RABGEF1: variants seen among roughly 807,000 people sequenced by gnomAD.
The protein encoded by RABGEF1 is RAB guanine nucleotide exchange factor 1.
A neutral mutation model predicts 57.3 loss-of-function variants in RABGEF1; 26 were observed. The ratio of observed to expected loss-of-function variants is 0.45; its 90% CI spans 0.33 to 0.63. RABGEF1 has a LOEUF of 0.63. Among genes scored for constraint, RABGEF1 ranks in the 20% least tolerant of loss-of-function variants. The pLI, the probability that RABGEF1 is intolerant of heterozygous loss-of-function variation, is 0.02. For synonymous variants in RABGEF1, 185 were observed against 210.7 expected (o/e 0.88, Z 1.06); for missense variants, 464 against 607.6 (o/e 0.76, Z 2.48).
intron 3 of RABGEF1, among the ~76,000 whole-genome samples, chr7:66,782,997 A>G (rs1446702947): frequency 6.6e-6 from 1 of 152,022 alleles, no homozygotes; most frequent in Non-Finnish European, 1.5e-5. Flanking sequence ...TAAATGTCCC[A>G]TTTTCCTTTC....
chr7:66,753,701 G>GTTGTTTT (rs1801981768), intron 1 of RABGEF1, among the ~76,000 whole-genome samples: 1 of 78,764 alleles, frequency 1.3e-5, no homozygotes, highest in Non-Finnish European at 2.3e-5. Context: ...TTTTGCCATC[G>GTTGTTTT]TTTTTTTTTT....
chr7:66,737,700 A>G (rs192365432), upstream of RABGEF1, among the ~76,000 whole-genome samples: 1 of 152,378 alleles, frequency 6.6e-6, no homozygotes, highest in Admixed American at 6.5e-5. Context: ...TCTCAACAAC[A>G]GCAAAATAGC....
intron 2 of RABGEF1, 142 bp from the exon 3 acceptor site, chr7:66,775,085 G>A (rs1808211652): frequency 2.4e-5 from 21 of 865,898 alleles, no homozygotes; most frequent in Non-Finnish European, 2.3e-5. Context: ...CTGTAGCAAT[G>A]TGAGACCTCA....
chr7:66,750,850 T>C (rs1440849318), intron 1 of RABGEF1, among the ~76,000 whole-genome samples: 2 of 152,228 alleles, frequency 1.3e-5, no homozygotes, highest in African/African-American at 2.4e-5. Context: ...AGACGCTTTA[T>C]GTGTATTTGG....
the RABGEF1 span, among the ~76,000 whole-genome samples, chr7:66,661,051 T>C: frequency 6.6e-6 from 1 of 152,080 alleles, no homozygotes; most frequent in Non-Finnish European, 1.5e-5. Context: ...GGCCCATGCC[T>C]GTAACCCCAG....
intron 1 of RABGEF1, among the ~76,000 whole-genome samples, chr7:66,765,301 A>G (rs1198463203): frequency 1.3e-5 from 2 of 152,106 alleles, no homozygotes; most frequent in Non-Finnish European, 1.5e-5. Context: ...CATGGTCCAC[A>G]CCAAATCAGT....
At chr7:66,728,130 C>T (rs78949927) in intron 2 of RABGEF1, among the ~76,000 whole-genome samples, 7,675 of 152,254 alleles carry the variant, frequency 0.05, 266 homozygotes, top group East Asian at 0.085. Context: ...CTCAGGAAGG[C>T]CCTTACAATC....
intron 8 of RABGEF1, among the ~76,000 whole-genome samples, chr7:66,807,455 C>T (rs1049630231): frequency 6.6e-6 from 1 of 152,206 alleles, no homozygotes; most frequent in African/African-American, 2.4e-5. Flanking sequence ...TCTACTTCCA[C>T]CTTGAATTGT....
chr7:66,708,011 T>A (rs1387687110), intron 1 of RABGEF1, among the ~76,000 whole-genome samples: 5 of 152,200 alleles, frequency 3.3e-5, no homozygotes, highest in Non-Finnish European at 5.9e-5. Flanking sequence ...TTTAATCCAT[T>A]CTGCCAATCT....
intron 1 of RABGEF1, among the ~76,000 whole-genome samples, chr7:66,762,043 G>C (rs745753763): frequency 1.3e-5 from 2 of 151,740 alleles, no homozygotes; most frequent in Non-Finnish European, 2.9e-5. Flanking sequence ...AACAGAGCGA[G>C]ACCCTGTCTC....
chr7:66,773,073 C>T (rs1427356915), intron 2 of RABGEF1, among the ~76,000 whole-genome samples: 1 of 137,340 alleles, frequency 7.3e-6, no homozygotes, highest in Non-Finnish European at 1.6e-5. Context: ...ACTCCTCTAG[C>T]TAGTTGTTTG....
chr7:66,798,587 G>T (rs1403492303), intron 6 of RABGEF1, among the ~76,000 whole-genome samples: 1 of 152,142 alleles, frequency 6.6e-6, no homozygotes, highest in East Asian at 1.9e-4. Flanking sequence ...AGTGCAGTTA[G>T]GGTGGGACCA....
In RABGEF1 at chr7:66,783,907, T is replaced by C. The variant is rs1810543760; in HGVS notation, c.513+66T>C. ...TTGAGGAAAGGTCTTAGAGATAATA[T>C]AGTGCAACCTTGTCATTTTATGCCT... On this transcript the variant is annotated intron_variant, in intron 4 of 8. Transcript: ENST00000284957. 5 of 1,376,480 alleles carry C rather than the reference T, an allele frequency of 3.6e-6. No homozygotes were observed. The Admixed American group carries it at 1.1e-4, about 30-fold the overall frequency. The allele number at this position is 1,376,480 out of a possible 1,614,324, so 85.3% of individuals were successfully genotyped here.
chr7:66,785,879 G>A (rs28380422), intron 4 of RABGEF1, among the ~76,000 whole-genome samples: 38,499 of 133,810 alleles, frequency 0.29, 5,035 homozygotes, highest in East Asian at 0.4. Flanking sequence ...ATCTGGGGGG[G>A]AAAAAAAAAA....
intron 1 of RABGEF1, chr7:66,712,051 A>G (rs1477084022): frequency 6.6e-6 from 1 of 152,146 alleles, no homozygotes; most frequent in African/African-American, 2.4e-5. Flanking sequence ...ATTCTTATTC[A>G]AATTTGCTTT....
the RABGEF1 span, among the ~76,000 whole-genome samples, chr7:66,661,124 C>A: frequency 6.6e-6 from 1 of 151,706 alleles, no homozygotes; most frequent in South Asian, 2.1e-4. Context: ...AGTGAAACCC[C>A]GTCTCTACTA....
At chr7:66,769,781 T>C (rs758182028) in intron 1 of RABGEF1, among the ~76,000 whole-genome samples, 2 of 152,228 alleles carry the variant, frequency 1.3e-5, no homozygotes, top group Non-Finnish European at 2.9e-5. Flanking sequence ...CAATCCAGAC[T>C]CTGTAGCTTA....
rs10583686 is a variant in RABGEF1, at chr7:66,683,727, CTTATTTAT to C, written c.-873+1491_-873+1498del. Among the ~76,000 whole-genome samples, 280 of 149,436 alleles carry C rather than the reference CTTATTTAT, an allele frequency of 1.9e-3. 2 individuals carry two copies. Among genetic ancestry groups the C allele is most frequent in the Non-Finnish European group, 2.6e-3 (172 of 67,416 alleles). ...GGAGGCCAGTAACTACAAGGAGGTG[CTTATTTAT>C]TTATTTATTTATTTATTTATTGAGA... On this transcript the variant is annotated intron_variant and NMD_transcript_variant, in intron 1 of 9. Coordinates refer to the RABGEF1 transcript ENST00000607882.
chr7:66,717,523 C>T (rs1305827530), intron 2 of RABGEF1, among the ~76,000 whole-genome samples: 5 of 151,606 alleles, frequency 3.3e-5, no homozygotes, highest in African/African-American at 7.3e-5. Context: ...TTTGGGAGGC[C>T]GAGGCAGTGG....
Sources: allele counts gnomAD v4.1 joint callset (sites outside exome capture counted in the v4.1 genomes callset), GRCh38; gene constraint gnomAD v4.1.1; transcripts MANE v1.5; gene names NCBI Gene and HGNC (gene_info 2026-07-23, HGNC 2026-07-21).